The following PRPF38B variants were observed in gnomAD, a reference collection of about 807,000 sequenced individuals.
PRPF38B encodes the protein pre-mRNA processing factor 38B, also known as pre-mRNA-splicing factor 38B.
In PRPF38B, 18 loss-of-function variants were observed where a neutral mutation model predicts 67.2. The observed-to-expected ratio is 0.27, with a 90% CI of 0.19 to 0.40. The LOEUF is 0.40. Among genes scored for constraint, PRPF38B ranks in the 10% least tolerant of loss-of-function variants. The pLI, the probability that PRPF38B is intolerant of heterozygous loss-of-function variation, is 1.00. For synonymous variants in PRPF38B, 246 were observed against 234.2 expected (o/e 1.05, Z -0.46); for missense variants, 544 against 684.9 (o/e 0.79, Z 2.30).
intron 1 of PRPF38B, among the ~76,000 whole-genome samples, chr1:108,693,921 C>T (rs1659594353): frequency 6.6e-6 from 1 of 152,220 alleles, no homozygotes; most frequent in Non-Finnish European, 1.5e-5. Flanking sequence ...TATATTCACT[C>T]TTAAAAACTT....
At chr1:108,692,978 G>C in intron 1 of PRPF38B, 111 bp downstream of exon 1, 1 of 1,364,302 alleles carries the variant, frequency 7.3e-7, no homozygotes, top group Non-Finnish European at 9.9e-7. Context: ...GGGGAAGGTG[G>C]TTCGGCGGAG....
chr1:108,700,499 G>A lies in PRPF38B; in HGVS notation c.*479G>A, dbSNP rs1237842748. 1 of 154,108 alleles carries A rather than the reference G, an allele frequency of 6.5e-6. No individual in the cohort carries two copies. The highest frequency in any genetic ancestry group is 1.4e-5 in the Non-Finnish European group (1 of 69,064). 9.5% of individuals were successfully genotyped at this position (154,108 alleles called of 1,614,324 possible). On this transcript the variant is annotated 3_prime_UTR_variant, in exon 6 of 6. Transcript: ENST00000370025. ...TATAGGAGAAGTATGTGCTGCCAAT[G>A]TACAAGAAGGCAGCATTGTAGGATT...
rs1406184203 is a variant in PRPF38B at position 108,700,598 on chromosome 1, C to A, written c.*578C>A. 1.3e-5 allele frequency: 2 copies of A among 152,538 alleles called. No homozygotes were observed. The highest frequency in any genetic ancestry group is 2.9e-5 in the Non-Finnish European group (2 of 68,018). The allele number at this position is 152,538 out of a possible 1,614,324, so 9.4% of individuals were successfully genotyped here. A position where few individuals can be genotyped will look rare whatever the true frequency, so the allele number is the denominator to read the frequency against. On this transcript the variant is annotated 3_prime_UTR_variant, in exon 6 of 6. Transcript: ENST00000370025. ...TTACACTTAATATTCTCCACAGTTA[C>A]CTTTAGAGAGAATTTATGAGAAGTT... is the stretch of plus-strand genomic sequence containing the variant.
At position 108,699,819 on chromosome 1, in the gene PRPF38B, C is replaced by G. The variant is rs1382060083; in HGVS notation, c.1440C>G (p.Asp480Glu). 2 of 1,612,968 alleles carry G rather than the reference C, an allele frequency of 1.2e-6. No homozygotes were observed. Among genetic ancestry groups the G allele is most frequent in the African/African-American group, 1.3e-5 (1 of 74,830 alleles). ...GAAGTGGCAGTCAAGGAAGAACTGA[C>G]AGTGTTGAAAAATCAAAAAAACGGG... ...RSRSGSQGRT[D>E]SVEKSKKREH... Residue 480 changes from aspartate to glutamate, a missense_variant, in exon 6 of 6, where the codon GAC (aspartate) becomes GAG (glutamate). Transcript: ENST00000370025.
At chr1:108,696,655 G>C in intron 4 of PRPF38B, 1 of 701,894 alleles carries the variant, frequency 1.4e-6, no homozygotes. Flanking sequence ...TTTTCAAGAT[G>C]GGGCATGCTC....
chr1:108,698,863 T>C (rs1420810149), intron 5 of PRPF38B, 36 bp downstream of exon 5: 7 of 1,533,412 alleles, frequency 4.6e-6, no homozygotes, highest in Non-Finnish European at 6.3e-6. Flanking sequence ...ATTTTTCATA[T>C]ATGCTTTATA....
Position 108,700,146 on chromosome 1 carries a change from C to A in PRPF38B, c.*126C>A. ...CTCCCTGTAGGCTGCATTTTCATTTCCTCTTTCGTGTAGGGAAGTGCCTTT... is the reference window on the plus strand; with the variant it reads ...CTCCCTGTAGGCTGCATTTTCATTTACTCTTTCGTGTAGGGAAGTGCCTTT... On this transcript the variant is annotated 3_prime_UTR_variant, in exon 6 of 6. Coordinates refer to ENST00000370025, the MANE Select transcript of PRPF38B (RefSeq NM_018061.4). 1 of 1,403,208 alleles carries A rather than the reference C, an allele frequency of 7.1e-7. No homozygotes were observed. Among genetic ancestry groups the A allele is most frequent in the Non-Finnish European group, 9.4e-7 (1 of 1,069,488 alleles). The allele number at this position is 1,403,208 out of a possible 1,614,324, so 86.9% of individuals were successfully genotyped here. A position where few individuals can be genotyped will look rare whatever the true frequency, so the allele number is the denominator to read the frequency against.
chr1:108,697,598 C>T lies in PRPF38B; in HGVS notation c.559-1006C>T, dbSNP rs142694285. On this transcript the variant is annotated intron_variant, in intron 4 of 5. Coordinates refer to ENST00000370025, the MANE Select transcript of PRPF38B (RefSeq NM_018061.4). ...GTTACTTCACTCAGAAGAAGCAAAA[C>T]GTGTTTTAAATCACAATCTTTAAGG... 218 of 149,986 alleles carry T rather than the reference C, an allele frequency of 1.5e-3. 1 individual carries two copies. The highest frequency in any genetic ancestry group is 4.7e-3 in the African/African-American group (186 of 39,798). 9.3% of individuals were successfully genotyped at this position (149,986 alleles called of 1,614,324 possible). A position where few individuals can be genotyped will look rare whatever the true frequency, so the allele number is the denominator to read the frequency against.
rs767531257 is a variant in PRPF38B, at chr1:108,702,389, G to A, written c.*2369G>A. Among the ~76,000 whole-genome samples the A allele has an allele frequency of 5.9e-5, 9 of 152,312 alleles. No individual in the cohort carries two copies. In the South Asian group the frequency reaches 1.7e-3, roughly 28 times the overall value. ...TCCACCCACCTCAGCCTCCCAAAGC[G>A]CTGTGATTACAGGTGTGAGCCACCA... On this transcript the variant is annotated 3_prime_UTR_variant, in exon 6 of 6. Transcript: ENST00000370025.
At position 108,693,967 on chromosome 1, in the gene PRPF38B, G is replaced by T. The variant is rs1159790378; in HGVS notation, c.276+1100G>T. ...ACAAAGTGTTTTCTATCATTTGAAC[G>T]TATGTGTAGAGATGGTAACAAAAGG... On this transcript the variant is annotated intron_variant, in intron 1 of 5. Coordinates refer to ENST00000370025, the MANE Select transcript of PRPF38B (RefSeq NM_018061.4). Among the ~76,000 whole-genome samples the T allele has an allele frequency of 2.0e-5, 3 of 152,154 alleles. 1 individual carries two copies. The highest frequency in any genetic ancestry group is 4.4e-5 in the Non-Finnish European group (3 of 68,038).
At chr1:108,694,653 T>C (rs981120735) in intron 1 of PRPF38B, among the ~76,000 whole-genome samples, 1 of 152,206 alleles carries the variant, frequency 6.6e-6, no homozygotes, top group Non-Finnish European at 1.5e-5. Context: ...TAAACTTACA[T>C]GCACGCTTTT....
At chr1:108,693,385 A>G (rs1659531777) in intron 1 of PRPF38B, among the ~76,000 whole-genome samples, 1 of 152,000 alleles carries the variant, frequency 6.6e-6, no homozygotes, top group Admixed American at 6.6e-5. Context: ...GAGAGGTGCC[A>G]TTTCAAGAGG....
At chr1:108,695,876 T>A in intron 2 of PRPF38B, 106 bp downstream of exon 2, 1 of 1,393,230 alleles carries the variant, frequency 7.2e-7, no homozygotes, top group Non-Finnish European at 9.9e-7. Context: ...ACAATTTTTT[T>A]AATCCAAATT....
chr1:108,698,971 T>G, intron 5 of PRPF38B, 144 bp downstream of exon 5: 1 of 1,347,688 alleles, frequency 7.4e-7, no homozygotes, highest in East Asian at 2.5e-5. Flanking sequence ...GATTATTTTC[T>G]TCCTTTCAGG....
Position 108,695,663 on chromosome 1 carries a change from A to G in PRPF38B, c.277-39A>G, listed in dbSNP as rs761676275. The G allele has an allele frequency of 3.1e-6, 5 of 1,597,628 alleles. No homozygotes were observed. The Admixed American group carries it at 8.6e-5, about 27-fold the overall frequency. The stretch of plus-strand genomic sequence containing the variant: ...TTATCAGGCTTTTAAACAAATTCAA[A>G]GTATGAATGTTTGTTGTGTTCCTCT... On this transcript the variant is annotated intron_variant, in intron 1 of 5. Transcript: ENST00000370025.
Position 108,701,706 on chromosome 1 carries a change from G to A in PRPF38B, c.*1686G>A, listed in dbSNP as rs923656550. 1 of 152,104 alleles carries A rather than the reference G, an allele frequency of 6.6e-6. No homozygotes were observed. 9.4% of individuals were successfully genotyped at this position (152,104 alleles called of 1,614,324 possible). ...AGCCACCTTGCAAAAATGTTAAATG[G>A]AGCAAACGAGTACACTTGCAAGAGT... is the stretch of plus-strand genomic sequence containing the variant. On this transcript the variant is annotated 3_prime_UTR_variant, in exon 6 of 6. Coordinates refer to ENST00000370025, the MANE Select transcript of PRPF38B (RefSeq NM_018061.4).
In PRPF38B at chr1:108,699,187, C is replaced by T. The variant is rs1449458182; in HGVS notation, c.808C>T (p.Arg270Trp). 5 of 1,612,840 alleles carry T rather than the reference C, an allele frequency of 3.1e-6. No homozygotes were observed. Among genetic ancestry groups the T allele is most frequent in the East Asian group, 2.2e-5 (1 of 44,866 alleles). The change falls in exon 6 of 6, where the codon CGG (arginine) becomes TGG (tryptophan). Residue 270 changes from arginine (R) to tryptophan (W), a missense_variant. Around this residue, in one of 5 missense-constraint regions of PRPF38B, gnomAD observed 387 missense variants for 386.1 expected, o/e 1.00. Transcript: ENST00000370025. ...SRSPRRSLSP[R>W]RSPRRSRSRS... ...GTCTCCAAGGAGATCTCTGAGTCCA[C>T]GGAGGTCCCCAAGAAGGTCAAGAAG...
chr1:108,693,852 A>G (rs923949046), intron 1 of PRPF38B, among the ~76,000 whole-genome samples: 1 of 152,240 alleles, frequency 6.6e-6, no homozygotes, highest in African/African-American at 2.4e-5. Context: ...TATTAATAAT[A>G]GCCTTAGTGG....
intron 4 of PRPF38B, 80 bp from the exon 5 acceptor site, chr1:108,698,524 G>A: frequency 2.0e-6 from 2 of 1,012,372 alleles, no homozygotes; most frequent in Non-Finnish European, 2.9e-6. Flanking sequence ...AGATTCCAAA[G>A]ATGGTAATAT....
Sources: allele counts gnomAD v4.1 joint callset (sites outside exome capture counted in the v4.1 genomes callset), GRCh38; gene constraint gnomAD v4.1.1; regional missense constraint gnomAD v4.1.1; transcripts MANE v1.5; gene names NCBI Gene and HGNC (gene_info 2026-07-23, HGNC 2026-07-21).